Variants in GOLPH3 observed in about 807,000 individuals in gnomAD.
The protein encoded by GOLPH3 is coat protein GPP34.
A neutral mutation model predicts 28.5 loss-of-function variants in GOLPH3; 14 were observed. That is an observed-to-expected ratio of 0.49 (90% confidence interval 0.32 to 0.77). GOLPH3 has a LOEUF of 0.77. Ranked by LOEUF, GOLPH3 falls within the 30% of genes least tolerant of loss-of-function variation. The pLI is 0.03. For synonymous variants in GOLPH3, 158 were observed against 159.2 expected, an observed-to-expected ratio of 0.99 and a Z score of 0.06; for missense variants, 350 against 393.7, an observed-to-expected ratio of 0.89 and a Z score of 0.94.
chr5:32,165,824 C>T (rs1345109261), intron 1 of GOLPH3, among the ~76,000 whole-genome samples: 2 of 152,176 alleles, frequency 1.3e-5, no homozygotes, highest in African/African-American at 4.8e-5. Context: ...TATGCTGCTT[C>T]TAAATGTCAT....
chr5:32,140,132 C>T (rs184069731), intron 2 of GOLPH3, among the ~76,000 whole-genome samples: 19 of 151,792 alleles, frequency 1.3e-4, no homozygotes, highest in South Asian at 4.2e-4. Flanking sequence ...TAAGGCATAT[C>T]GTACAATTTC....
At chr5:32,147,435 AC>A (rs1278865927) in intron 1 of GOLPH3, among the ~76,000 whole-genome samples, 1 of 150,956 alleles carries the variant, frequency 6.6e-6, no homozygotes, top group East Asian at 2.0e-4. Context: ...TTCATCTCAA[AC>A]AAAAAAAAAA....
Position 32,174,094 on chromosome 5 carries a change from C to T in GOLPH3, c.-60G>A, listed in dbSNP as rs2111907320. 3 of 1,147,852 alleles carry T rather than the reference C, an allele frequency of 2.6e-6. No individual in the cohort carries two copies. Among genetic ancestry groups the T allele is most frequent in the South Asian group, 8.0e-5 (2 of 24,984 alleles). The allele number at this position is 1,147,852 out of a possible 1,614,324, so 71.1% of individuals were successfully genotyped here. ...GTCGCAGGACCGACCGGGTCGCCCT[C>T]CTCCTCCCCGCGCGGCCTCCGATCC... On this transcript the variant is annotated 5_prime_UTR_variant, in exon 1 of 4. Transcript: ENST00000265070.
intron 2 of GOLPH3, among the ~76,000 whole-genome samples, chr5:32,137,566 G>A (rs538095186): frequency 1.2e-4 from 19 of 152,184 alleles, no homozygotes; most frequent in Admixed American, 3.3e-4. Flanking sequence ...GGCTGAGGCA[G>A]GAGAATTGCT....
At chr5:32,165,879 T>C (rs536860304) in intron 1 of GOLPH3, among the ~76,000 whole-genome samples, 11 of 152,350 alleles carry the variant, frequency 7.2e-5, no homozygotes, top group African/African-American at 2.6e-4. Context: ...AATGTGGACT[T>C]CGTATCTCAA....
At position 32,126,169 on chromosome 5, in the gene GOLPH3, TG is replaced by T. The variant is rs1331442925; in HGVS notation, c.*42del. On this transcript the variant is annotated 3_prime_UTR_variant, in exon 4 of 4. Transcript: ENST00000265070. ...CAGAAGTCAACAGAAGAAAAACTACTGGTTTACTTGAGAGAAAGGAGAATGG... is the reference window on the plus strand; with the variant it reads ...CAGAAGTCAACAGAAGAAAAACTACTGTTTACTTGAGAGAAAGGAGAATGG... 2 of 1,541,492 alleles carry T rather than the reference TG, an allele frequency of 1.3e-6. No individual in the cohort carries two copies. Among genetic ancestry groups the T allele is most frequent in the Non-Finnish European group, 1.8e-6 (2 of 1,139,708 alleles).
chr5:32,165,933 T>C (rs1475781708), intron 1 of GOLPH3, among the ~76,000 whole-genome samples: 1 of 152,202 alleles, frequency 6.6e-6, no homozygotes, highest in Non-Finnish European at 1.5e-5. Context: ...AACCTGGAAT[T>C]TTCTGTAGTT....
intron 1 of GOLPH3, among the ~76,000 whole-genome samples, chr5:32,146,668 T>C (rs1746184574): frequency 6.6e-6 from 1 of 152,180 alleles, no homozygotes; most frequent in Non-Finnish European, 1.5e-5. Context: ...ATAAAAATAT[T>C]TTGTATAAAG....
Position 32,126,267 on chromosome 5 carries a change from A to C in GOLPH3, c.842T>G (p.Leu281Arg). Reference sequence around the variant, plus strand: ...CAGAACCTCATTGGTGTTGGCCTTCAGACATTCCACTTCAGGGTCTAAGTC... The same window carrying C: ...CAGAACCTCATTGGTGTTGGCCTTCCGACATTCCACTTCAGGGTCTAAGTC... ...LLDLDPEVEC[L>R]KANTNEVLWA... Residue 281 changes from leucine (L) to arginine (R), a missense_variant, in exon 4 of 4, where the codon CTG becomes CGG. Physicochemically the swap from Leu to Arg is moderately radical, Grantham distance 102. Transcript: ENST00000265070. The C allele has an allele frequency of 6.2e-7, 1 of 1,614,186 alleles. No homozygotes were observed. The highest frequency in any genetic ancestry group is 8.5e-7 in the Non-Finnish European group (1 of 1,180,030).
intron 1 of GOLPH3, among the ~76,000 whole-genome samples, chr5:32,146,011 G>C (rs865956545): frequency 2.0e-5 from 3 of 152,066 alleles, no homozygotes; most frequent in Non-Finnish European, 2.9e-5. Context: ...CCATAGGGTG[G>C]CCAGGCGCAG....
At chr5:32,162,334 T>TA (rs1190046217) in intron 1 of GOLPH3, among the ~76,000 whole-genome samples, 4 of 149,244 alleles carry the variant, frequency 2.7e-5, no homozygotes, top group South Asian at 2.1e-4. Context: ...CAACTAAAAA[T>TA]ACAAAAATTT....
At chr5:32,149,727 T>TG (rs1746263533) in intron 1 of GOLPH3, among the ~76,000 whole-genome samples, 1 of 152,250 alleles carries the variant, frequency 6.6e-6, no homozygotes, top group Admixed American at 6.5e-5. Flanking sequence ...CTGGGCACTG[T>TG]GGCTCACGCC....
rs1441076025 is a variant in GOLPH3 at position 32,158,104 on chromosome 5, AAAT to A, written c.226-14227_226-14225del. Among the ~76,000 whole-genome samples, 987 of 114,402 alleles carry A rather than the reference AAAT, an allele frequency of 8.6e-3. 127 individuals carry two copies. The highest frequency in any genetic ancestry group is 0.035 in the African/African-American group (913 of 26,016). The allele number at this position is 114,402 out of a possible 152,430, so 75.1% of individuals were successfully genotyped here. A position where few individuals can be genotyped will look rare whatever the true frequency, so the allele number is the denominator to read the frequency against. On this transcript the variant is annotated intron_variant, in intron 1 of 3. Coordinates refer to ENST00000265070, the MANE Select transcript of GOLPH3 (RefSeq NM_022130.4). ...AAACTCTGTCTCAAAATAAATAAAT[AAAT>A]AAATAAATAAATAAATAAATAAAAT... is the stretch of plus-strand genomic sequence containing the variant.
At chr5:32,156,973 G>C (rs1746445465) in intron 1 of GOLPH3, among the ~76,000 whole-genome samples, 1 of 152,170 alleles carries the variant, frequency 6.6e-6, no homozygotes. Context: ...AATAATGATT[G>C]GATTTGGGTG....
intron 1 of GOLPH3, among the ~76,000 whole-genome samples, chr5:32,161,439 A>T (rs1746575611): frequency 6.6e-6 from 1 of 150,848 alleles, no homozygotes; most frequent in South Asian, 2.1e-4. Context: ...AAAAAAAAAA[A>T]AAACCAAAGC....
rs1292393331 is a variant in GOLPH3, at chr5:32,126,179, G to A, written c.*33C>T. The A allele has an allele frequency of 1.3e-6, 2 of 1,569,462 alleles. No individual in the cohort carries two copies. The highest frequency in any genetic ancestry group is 1.8e-5 in the Admixed American group (1 of 54,282). On this transcript the variant is annotated 3_prime_UTR_variant, in exon 4 of 4. Transcript: ENST00000265070. Reference sequence around the variant, plus strand: ...CAGAAGAAAAACTACTGGTTTACTTGAGAGAAAGGAGAATGGTTCACCCCG... The same window carrying A: ...CAGAAGAAAAACTACTGGTTTACTTAAGAGAAAGGAGAATGGTTCACCCCG...
Position 32,173,935 on chromosome 5 carries a change from C to T in GOLPH3, c.100G>A (p.Gly34Ser), listed in dbSNP as rs11541492. The change falls in exon 1 of 4, where the codon GGC becomes AGC. Residue 34 changes from glycine to serine, a missense_variant. Transcript: ENST00000265070. The part of the protein sequence containing the change: ...DKERAAGGGA[G>S]SSEDDAQSRR... The stretch of plus-strand genomic sequence containing the variant: ...CTCTGCGCGTCGTCCTCGCTGCTGC[C>T]GGCGCCGCCGCCCGCCGCCCGCTCC... The T allele has an allele frequency of 5.4e-6, 8 of 1,483,148 alleles. No homozygotes were observed. Among genetic ancestry groups the T allele is most frequent in the South Asian group, 3.9e-5 (3 of 76,994 alleles). 91.9% of individuals were successfully genotyped at this position (1,483,148 alleles called of 1,614,324 possible).
chr5:32,147,017 C>T (rs1390422146), intron 1 of GOLPH3, among the ~76,000 whole-genome samples: 1 of 152,070 alleles, frequency 6.6e-6, no homozygotes, highest in East Asian at 1.9e-4. Flanking sequence ...GTTGGACAAG[C>T]TTGATCTAAA....
At chr5:32,147,039 T>C (rs1021026138) in intron 1 of GOLPH3, among the ~76,000 whole-genome samples, 3 of 152,158 alleles carry the variant, frequency 2.0e-5, no homozygotes, top group Admixed American at 6.5e-5. Context: ...TGTAATCTTA[T>C]TTTGAAGTTA....
Sources: allele counts gnomAD v4.1 joint callset (sites outside exome capture counted in the v4.1 genomes callset), GRCh38; gene constraint gnomAD v4.1.1; transcripts MANE v1.5; gene names NCBI Gene and HGNC (gene_info 2026-07-23, HGNC 2026-07-21).